Variants in BRF1 observed in about 807,000 individuals in gnomAD.
BRF1 encodes BRF1 general transcription factor IIIB subunit, also known as transcription factor IIIB 90 kDa subunit.
In BRF1, 59 loss-of-function variants were observed where a neutral mutation model predicts 81.7. That is an observed-to-expected ratio of 0.72 (90% CI 0.59 to 0.90). The LOEUF (loss-of-function observed/expected upper bound fraction) is 0.90. Among genes scored for constraint, BRF1 ranks in the 40% least tolerant of loss-of-function variants. The pLI, the probability that BRF1 is intolerant of heterozygous loss-of-function variation, is 0.00. For missense variants in BRF1, 1,050 were observed against 936.3 expected, an observed-to-expected ratio of 1.12 and a Z score of -1.58; for synonymous variants, 491 against 395.6, an observed-to-expected ratio of 1.24 and a Z score of -2.86.
At position 105,241,376 on chromosome 14, in the gene BRF1, C is replaced by G. The variant is rs201913661; in HGVS notation, c.583G>C (p.Glu195Gln). ...ACCTCGTGGTTCTTCTCCCCGAATT[C>G]CAGCAGGTGCGCAAAGCGTGGAATA... ...LYIPRFAHLL[E>Q]FGEKNHEVSM... Residue 195 changes from glutamate (E) to glutamine (Q), a missense_variant, in exon 6 of 18, where the codon GAA (glutamate) becomes CAA (glutamine). By Grantham distance (29) the Glu-to-Gln change is conservative. Around this residue, in one of 2 missense-constraint regions of BRF1, gnomAD observed 1,043 missense variants for 915.4 expected, o/e 1.14. Coordinates refer to ENST00000547530, the MANE Select transcript of BRF1 (RefSeq NM_001519.4). 394 of 1,612,668 alleles carry G rather than the reference C, an allele frequency of 2.4e-4. No individual in the cohort carries two copies. Among genetic ancestry groups the G allele is most frequent in the Non-Finnish European group, 1.3e-4 (152 of 1,179,948 alleles).
Position 105,269,493 on chromosome 14 carries a change from G to C in BRF1, c.439+3228C>G, listed in dbSNP as rs1466872867. On this transcript the variant is annotated intron_variant, in intron 3 of 17. Transcript: ENST00000547530. This position sits in a 1 kb window ranked among gnomAD's most constrained non-coding sequence, Gnocchi z 5.0. ...CCCAGAGCTGAGCAACCACCACCAG[G>C]ATCTAATTTTAGAATGCGTGGGGGA... 6.6e-6 allele frequency among the ~76,000 whole-genome samples: 1 copy of C among 152,148 alleles called. No homozygotes were observed. The highest frequency in any genetic ancestry group is 1.5e-5 in the Non-Finnish European group (1 of 68,020).
At chr14:105,287,228 G>A (rs2057347206) in intron 1 of BRF1, among the ~76,000 whole-genome samples, 1 of 152,224 alleles carries the variant, frequency 6.6e-6, no homozygotes, top group Non-Finnish European at 1.5e-5. Flanking sequence ...GAAACATCAG[G>A]TGGACATTTG....
At chr14:105,275,372 G>T (rs1357075893) in intron 2 of BRF1, among the ~76,000 whole-genome samples, 3 of 152,216 alleles carry the variant, frequency 2.0e-5, no homozygotes. Context: ...TGACGTGGAA[G>T]GCTGGTCACT....
rs1404080812 is a variant in BRF1 at position 105,221,688 on chromosome 14, G to A, written c.1275C>T (p.Asp425=). The A allele has an allele frequency of 5.0e-6, 8 of 1,611,626 alleles. No homozygotes were observed. In the African/African-American group the frequency reaches 9.3e-5, roughly 19 times the overall value. ...GAGAGGAGATGCATTCGCGGATGGA[G>A]TCTGAGATGCCCAGGCTGGCTGCAG... ...LPTAASLGIS[D]SIRECISSQS... Residue 425 remains aspartate, a synonymous_variant, in exon 11 of 18, where the codon GAC becomes GAT. Coordinates refer to ENST00000547530, the MANE Select transcript of BRF1 (RefSeq NM_001519.4).
chr14:105,228,604 C>T (rs913576966), intron 7 of BRF1, among the ~76,000 whole-genome samples: 4 of 151,826 alleles, frequency 2.6e-5, no homozygotes, highest in Non-Finnish European at 5.9e-5. Flanking sequence ...ATAGGGCCGG[C>T]CCCAGAAGGA....
In BRF1 at chr14:105,209,365, C is replaced by G. The variant is rs1037998515; in HGVS notation, c.*1186G>C. The G allele has an allele frequency of 6.8e-6, 4 of 589,780 alleles. No individual in the cohort carries two copies. Among genetic ancestry groups the G allele is most frequent in the Non-Finnish European group, 1.2e-5 (4 of 329,436 alleles). The allele number at this position is 589,780 out of a possible 1,614,324, so 36.5% of individuals were successfully genotyped here. A position where few individuals can be genotyped will look rare whatever the true frequency, so the allele number is the denominator to read the frequency against. On this transcript the variant is annotated 3_prime_UTR_variant, in exon 18 of 18. Coordinates refer to ENST00000547530, the MANE Select transcript of BRF1 (RefSeq NM_001519.4). The stretch of plus-strand genomic sequence containing the variant: ...AGCCCTCGAGAAGCCCTGGCAGGAC[C>G]CAGGCTGGCTACTGAGCTCTGGGCG...
chr14:105,218,626 GCCACAAGGCAGGGAGGCATGACAGTCGGA>G (rs1444468657), intron 14 of BRF1, among the ~76,000 whole-genome samples: 1 of 152,208 alleles, frequency 6.6e-6, no homozygotes, highest in African/African-American at 2.4e-5. Flanking sequence ...CACCGTGACG[GCCACAAGGCAGGGAGGCATGACAGTCGGA>G]CTTTCCCAGG....
Position 105,221,908 on chromosome 14 carries a change from G to C in BRF1, c.1055C>G (p.Thr352Ser). The C allele has an allele frequency of 6.3e-7, 1 of 1,590,130 alleles. No individual in the cohort carries two copies. Among genetic ancestry groups the C allele is most frequent in the Non-Finnish European group, 8.6e-7 (1 of 1,168,810 alleles). Residue 352 changes from threonine (T) to serine (S), a missense_variant, in exon 11 of 18, where the codon ACC becomes AGC. By Grantham distance (58) the Thr-to-Ser change is moderately conservative. Transcript: ENST00000547530. ...GLASLAKDGS[T>S]EDTASSLCGE... ...ACACAAGCTGGACGCGGTGTCCTCG[G>C]TGGAGCCTAGGTGTACACAATCCAC...
intron 2 of BRF1, among the ~76,000 whole-genome samples, chr14:105,275,949 G>A (rs1355696659): frequency 6.7e-6 from 1 of 148,670 alleles, no homozygotes; most frequent in Non-Finnish European, 1.5e-5. Context: ...GAGCTGGGGA[G>A]GAGGCCACAG....
At chr14:105,249,410 C>G (rs755566101) in intron 5 of BRF1, 2 of 1,613,564 alleles carry the variant, frequency 1.2e-6, no homozygotes, top group South Asian at 2.2e-5. Context: ...TCTACGGAGA[C>G]CTGGCGGAAG....
intron 14 of BRF1, 23 bp from the exon 15 acceptor site, chr14:105,217,823 G>A: frequency 6.2e-7 from 1 of 1,605,648 alleles, no homozygotes; most frequent in Middle Eastern, 1.8e-4. Flanking sequence ...AAGCAAGAAT[G>A]CCTCCCGTGA....
At chr14:105,281,269 AGCCCGGG>A (rs1358979911) in intron 2 of BRF1, among the ~76,000 whole-genome samples, 1 of 137,930 alleles carries the variant, frequency 7.3e-6, no homozygotes. Context: ...CGTGACCCTG[AGCCCGGG>A]TGTGTGGATA....
intron 5 of BRF1, chr14:105,248,519 G>C (rs1424913163): frequency 6.1e-6 from 6 of 977,320 alleles, no homozygotes; most frequent in Admixed American, 6.3e-5. Flanking sequence ...CGTCGCGCGG[G>C]GCGCGGCCCT....
At chr14:105,251,042 A>G in intron 5 of BRF1, 1 of 242,104 alleles carries the variant, frequency 4.1e-6, no homozygotes, top group Non-Finnish European at 8.7e-6. Flanking sequence ...AAAATTGGCA[A>G]AAAGTCACTT....
rs145707206 is a variant in BRF1, at chr14:105,218,914, T to C, written c.1515+84A>G. 1.7e-5 allele frequency: 27 copies of C among 1,586,220 alleles called. No homozygotes were observed. In the Middle Eastern group the frequency reaches 5.9e-4, roughly 35 times the overall value. On this transcript the variant is annotated intron_variant, in intron 14 of 17. Transcript: ENST00000547530. ...CTGGGGCCTAGACCCTCCTGTCACA[T>C]GGGGAAGGGACATTCCAGAGACATT...
rs1167482477 is a variant in BRF1 at position 105,284,783 on chromosome 14, T to C, written c.265+1513A>G. Reference sequence around the variant, plus strand: ...CTGTTCACACCACTGCTATTCAATGTGGTAAACAAAAAAAACAAAAACAAA... The same window carrying C: ...CTGTTCACACCACTGCTATTCAATGCGGTAAACAAAAAAAACAAAAACAAA... On this transcript the variant is annotated intron_variant, in intron 2 of 17. Transcript: ENST00000547530. This position sits in a 1 kb window ranked among gnomAD's most constrained non-coding sequence, Gnocchi z 4.0. Among the ~76,000 whole-genome samples, 1 of 151,948 alleles carries C rather than the reference T, an allele frequency of 6.6e-6. No homozygotes were observed. The highest frequency in any genetic ancestry group is 2.4e-5 in the African/African-American group (1 of 41,282).
At chr14:105,221,937 T>C (rs1200382016) in intron 10 of BRF1, 23 bp from the exon 11 acceptor site, 1 of 1,543,450 alleles carries the variant, frequency 6.5e-7, no homozygotes, top group Non-Finnish European at 8.7e-7. Context: ...AATCCACCTG[T>C]TAACCAGGCA....
chr14:105,219,910 G>A (rs1165421013), intron 12 of BRF1, 159 bp downstream of exon 12: 5 of 751,118 alleles, frequency 6.7e-6, no homozygotes, highest in Middle Eastern at 3.2e-4. Flanking sequence ...GTGGGGGGGG[G>A]TCCCGGGAAC....
At chr14:105,223,790 C>A (rs1053995020) in intron 10 of BRF1, among the ~76,000 whole-genome samples, 1 of 152,112 alleles carries the variant, frequency 6.6e-6, no homozygotes, top group East Asian at 1.9e-4. Flanking sequence ...AGTTTTCATA[C>A]GGCAATCACA....
Sources: allele counts gnomAD v4.1 joint callset (sites outside exome capture counted in the v4.1 genomes callset), GRCh38; gene constraint gnomAD v4.1.1; regional missense constraint gnomAD v4.1.1; non-coding constraint Gnocchi (gnomAD v3.1); transcripts MANE v1.5; gene names NCBI Gene and HGNC (gene_info 2026-07-23, HGNC 2026-07-21).